PARVB: variants seen among roughly 807,000 people sequenced by gnomAD.
PARVB encodes parvin beta, also known as beta-parvin.
PARVB carries 46 observed loss-of-function variants against 47.0 expected under a neutral mutation model. The ratio of observed to expected loss-of-function variants is 0.98; its 90% confidence interval spans 0.77 to 1.25. The LOEUF (loss-of-function observed/expected upper bound fraction) is 1.25, where lower values mean the gene tolerates loss of function less well. Ranked by LOEUF, PARVB falls within the 50% of genes most tolerant of loss-of-function variation. PARVB has a pLI of 0.00. For missense variants in PARVB, 473 were observed against 471.6 expected (o/e 1.00, Z -0.03); for synonymous variants, 196 against 196.3 (o/e 1.00, Z 0.01).
Position 44,025,316 on chromosome 22 carries a change from T to G in PARVB, c.112+865T>G, listed in dbSNP as rs371779409. ...TGGGCCTGACATATCCCCTGGGAACTCTTCCTGTGCCTCCAGGGATTAGTG... is the reference window on the plus strand; with the variant it reads ...TGGGCCTGACATATCCCCTGGGAACGCTTCCTGTGCCTCCAGGGATTAGTG... On this transcript the variant is annotated intron_variant, in intron 1 of 12. Transcript: ENST00000338758. Among the ~76,000 whole-genome samples the G allele has an allele frequency of 3.9e-5, 6 of 152,232 alleles. No individual in the cohort carries two copies. In the East Asian group the frequency reaches 1.2e-3, roughly 29 times the overall value.
rs147664849 is a variant in PARVB at position 44,038,728 on chromosome 22, G to T, written c.112+14277G>T. Among the ~76,000 whole-genome samples, 797 of 152,236 alleles carry T rather than the reference G, an allele frequency of 5.2e-3. 12 individuals carry two copies. The highest frequency in any genetic ancestry group is 0.018 in the African/African-American group (763 of 41,548). ...ACCCAGGAGGTGGACGTTGCAGTGA[G>T]CTGAGATCACGCCACTGCACTCCAG... On this transcript the variant is annotated intron_variant, in intron 1 of 12. Coordinates refer to ENST00000338758, the MANE Select transcript of PARVB (RefSeq NM_013327.5).
intron 2 of PARVB, among the ~76,000 whole-genome samples, chr22:44,018,045 G>A (rs2050602548): frequency 6.6e-6 from 1 of 152,116 alleles, no homozygotes; most frequent in Admixed American, 6.6e-5. Flanking sequence ...CTCACCCCAG[G>A]ATACAGAGAG....
At chr22:44,130,378 G>C (rs1175469662) in intron 4 of PARVB, among the ~76,000 whole-genome samples, 2 of 152,196 alleles carry the variant, frequency 1.3e-5, no homozygotes, top group Admixed American at 1.3e-4. Context: ...CAGCGGGCGT[G>C]GGGTGGGGCG....
intron 1 of PARVB, among the ~76,000 whole-genome samples, chr22:44,081,852 G>A (rs956597727): frequency 2.0e-5 from 3 of 152,146 alleles, no homozygotes; most frequent in Non-Finnish European, 4.4e-5. Flanking sequence ...CTGCTGCCTC[G>A]AGGCTCTTTT....
At chr22:44,073,054 C>G (rs1324268295) in intron 1 of PARVB, among the ~76,000 whole-genome samples, 1 of 152,196 alleles carries the variant, frequency 6.6e-6, no homozygotes, top group Non-Finnish European at 1.5e-5. Context: ...ACCCAGTGCC[C>G]CGTGCCAGGC....
chr22:44,066,034 T>C (rs2051516617), intron 1 of PARVB, among the ~76,000 whole-genome samples: 2 of 152,202 alleles, frequency 1.3e-5, no homozygotes, highest in Non-Finnish European at 2.9e-5. Flanking sequence ...AGTAGTCTCC[T>C]ACTTCTTTTT....
chr22:44,128,019 A>G (rs1363995183), intron 4 of PARVB, among the ~76,000 whole-genome samples: 2 of 152,140 alleles, frequency 1.3e-5, no homozygotes, highest in African/African-American at 4.8e-5. Context: ...CTGGGCTCAA[A>G]CGATCCTCCC....
intron 2 of PARVB, among the ~76,000 whole-genome samples, chr22:44,012,385 G>A (rs1332472554): frequency 6.6e-6 from 1 of 152,184 alleles, no homozygotes; most frequent in Non-Finnish European, 1.5e-5. Context: ...CTGCTCACAC[G>A]TGGCATGGGC....
chr22:44,007,448 G>A (rs1043039754), intron 2 of PARVB, among the ~76,000 whole-genome samples: 10 of 152,182 alleles, frequency 6.6e-5, no homozygotes, highest in African/African-American at 2.4e-4. Context: ...CTTTCCCAAG[G>A]TCGGGCTCTC....
intron 6 of PARVB, 27 bp downstream of exon 6, chr22:44,133,036 C>A: frequency 6.6e-7 from 1 of 1,504,956 alleles, no homozygotes; most frequent in Non-Finnish European, 9.2e-7. Context: ...GGTCGGCCTG[C>A]CTGTAACTCC....
At chr22:44,052,021 G>A (rs775005258) in intron 1 of PARVB, among the ~76,000 whole-genome samples, 1 of 152,192 alleles carries the variant, frequency 6.6e-6, no homozygotes, top group Non-Finnish European at 1.5e-5. Flanking sequence ...GTGAGAGCAC[G>A]GCTCTGCCGA....
chr22:44,023,340 A>C (rs1281367451), upstream of PARVB, among the ~76,000 whole-genome samples: 2 of 151,608 alleles, frequency 1.3e-5, no homozygotes, highest in East Asian at 4.0e-4. Context: ...GCAAAACCGC[A>C]TCTCTACTAA....
At chr22:44,085,298 T>TTTTC (rs781002441) in intron 1 of PARVB, among the ~76,000 whole-genome samples, 20 of 151,754 alleles carry the variant, frequency 1.3e-4, no homozygotes, top group Non-Finnish European at 2.7e-4. Context: ...ATGGTTTTCT[T>TTTTC]TTTCTTTTTC....
chr22:44,032,463 C>G (rs188354566), intron 1 of PARVB, among the ~76,000 whole-genome samples: 2 of 152,100 alleles, frequency 1.3e-5, no homozygotes, highest in East Asian at 1.9e-4. Context: ...TGGGCAGATC[C>G]CAGCTCTGCG....
intron 5 of PARVB, 23 bp downstream of exon 5, chr22:44,131,650 A>T: frequency 1.3e-6 from 2 of 1,590,792 alleles, no homozygotes; most frequent in African/African-American, 2.7e-5. Flanking sequence ...CCACAGGGGG[A>T]GGGACTGTCT....
At chr22:44,152,768 G>T (rs1165153804) in intron 10 of PARVB, 4 of 152,100 alleles carry the variant, frequency 2.6e-5, no homozygotes, top group Admixed American at 2.6e-4. Context: ...GGATTAGCAG[G>T]GTGCTTGAAT....
chr22:44,134,554 A>G (rs780258384), intron 6 of PARVB, among the ~76,000 whole-genome samples: 12 of 152,196 alleles, frequency 7.9e-5, no homozygotes, highest in Admixed American at 1.3e-4. Context: ...ATAACGGGTT[A>G]GAGGAGTGTT....
chr22:44,021,428 T>G (rs2050646643), upstream of PARVB, among the ~76,000 whole-genome samples: 1 of 151,860 alleles, frequency 6.6e-6, no homozygotes, highest in Non-Finnish European at 1.5e-5. Context: ...AGAAAGAAGG[T>G]CAGAAAGAGA....
At chr22:44,165,414 C>T (rs2054145416) in intron 12 of PARVB, among the ~76,000 whole-genome samples, 1 of 152,210 alleles carries the variant, frequency 6.6e-6, no homozygotes. Context: ...ACATGTCCAG[C>T]AGGGAGTGTG....
Sources: allele counts gnomAD v4.1 joint callset (sites outside exome capture counted in the v4.1 genomes callset), GRCh38; gene constraint gnomAD v4.1.1; transcripts MANE v1.5; gene names NCBI Gene and HGNC (gene_info 2026-07-23, HGNC 2026-07-21).